MZF1: variants seen among roughly 807,000 people sequenced by gnomAD.
MZF1 encodes the protein myeloid zinc finger 1, also known as zinc finger and SCAN domain-containing protein 6.
MZF1 carries 24 observed loss-of-function variants against 28.6 expected under a neutral mutation model. That is an observed-to-expected ratio of 0.84 (90% confidence interval 0.61 to 1.18). The LOEUF is 1.18. Among genes scored for constraint, MZF1 ranks in the 50% most tolerant of loss-of-function variants. The pLI, the probability that MZF1 is intolerant of heterozygous loss-of-function variation, is 0.00. For missense variants in MZF1, 1,166 were observed against 1,026.4 expected, an observed-to-expected ratio of 1.14 and a Z score of -1.86; for synonymous variants, 516 against 432.5, an observed-to-expected ratio of 1.19 and a Z score of -2.40.
intron 4 of MZF1, 52 bp from the exon 5 acceptor site, chr19:58,569,449 G>A (rs1398601934): frequency 2.5e-6 from 4 of 1,613,704 alleles, no homozygotes; most frequent in Admixed American, 3.3e-5. Flanking sequence ...CTCAGGGAGG[G>A]ACCTACCTGA....
intron 2 of MZF1, 151 bp from the exon 3 acceptor site, chr19:58,570,678 G>T: frequency 1.2e-6 from 1 of 844,016 alleles, no homozygotes; most frequent in Non-Finnish European, 1.8e-6. Flanking sequence ...ACCTCCCCTA[G>T]GCCCTGAGCA....
At position 58,569,134 on chromosome 19, in the gene MZF1, C is replaced by T. The variant is rs894633419; in HGVS notation, c.772+143G>A. The T allele has an allele frequency of 1.5e-5, 18 of 1,174,580 alleles. No individual in the cohort carries two copies. In the Admixed American group the frequency reaches 3.3e-4, roughly 21 times the overall value. 72.8% of individuals were successfully genotyped at this position (1,174,580 alleles called of 1,614,324 possible). A position where few individuals can be genotyped will look rare whatever the true frequency, so the allele number is the denominator to read the frequency against. ...GCAGAAGATGCTAGAGGAGGTTGAA[C>T]CTTATAGGGGATGATCTAGGGAATG... On this transcript the variant is annotated intron_variant, in intron 5 of 5. Coordinates refer to ENST00000215057, the MANE Select transcript of MZF1 (RefSeq NM_198055.2).
At position 58,570,447 on chromosome 19, in the gene MZF1, C is replaced by T; in HGVS notation, c.477G>A (p.Glu159=). 1 of 1,613,962 alleles carries T rather than the reference C, an allele frequency of 6.2e-7. No homozygotes were observed. The highest frequency in any genetic ancestry group is 8.5e-7 in the Non-Finnish European group (1 of 1,179,902). The change falls in exon 3 of 6, where the codon GAG becomes GAA. Residue 159 remains glutamate (E), a synonymous_variant. Coordinates refer to ENST00000215057, the MANE Select transcript of MZF1 (RefSeq NM_198055.2). ...TGGGCCCAGGCTCTGGAGTTGGAGG[C>T]TCAGTTTCAGGTAGGGGCTGGAAAC... The part of the protein sequence containing the change: ...PSSFQPLPET[E]PPTPEPGPKT...
At chr19:58,568,694 T>G (rs1218747699) in intron 5 of MZF1, 1 of 152,330 alleles carries the variant, frequency 6.6e-6, no homozygotes, top group African/African-American at 2.4e-5. Flanking sequence ...AGGTGTGAAC[T>G]AAGAAAGAGG....
In MZF1 at chr19:58,562,659, G is replaced by A. The variant is rs1286886180; in HGVS notation, c.1618C>T (p.Pro540Ser). The change falls in exon 6 of 6, where the codon CCC becomes TCC. Residue 540 changes from proline (P) to serine (S), a missense_variant. Pro to Ser is a moderately conservative substitution (Grantham distance 74). Transcript: ENST00000215057. ...QHRRVHSGER[P>S]FACAECGQSF... ...TGGCCGCACTCGGCACAGGCGAAGG[G>A]CCGCTCGCCACTGTGCACGCGCCGG... 1.3e-6 allele frequency: 2 copies of A among 1,545,500 alleles called. No individual in the cohort carries two copies. The highest frequency in any genetic ancestry group is 2.4e-5 in the East Asian group (1 of 41,622).
rs1165619271 is a variant in MZF1 at position 58,563,089 on chromosome 19, G to A, written c.1188C>T (p.Ser396=). The change falls in exon 6 of 6, where the codon AGC becomes AGT. Residue 396 remains serine (S), a synonymous_variant. Transcript: ENST00000215057. ...TAAGCTGGTGGCGCAGCAGGTGCGA[G>A]CTGCGGCTGAAGCTGCGGCCGCACT... ...CSECGRSFSR[S]SHLLRHQLTH... is the part of the protein sequence containing the mutation. 2.5e-6 allele frequency: 4 copies of A among 1,604,322 alleles called. No individual in the cohort carries two copies. The highest frequency in any genetic ancestry group is 2.5e-6 in the Non-Finnish European group (3 of 1,179,218).
At chr19:58,569,869 G>A (rs528937367) in intron 3 of MZF1, 8 of 435,118 alleles carry the variant, frequency 1.8e-5, no homozygotes, top group African/African-American at 4.0e-5. Context: ...GGGGTCAGAG[G>A]TATTGTACAA....
chr19:58,572,705 A>G (rs1032488191), intron 1 of MZF1: 4 of 1,098,980 alleles, frequency 3.6e-6, no homozygotes, highest in Admixed American at 2.3e-5. Context: ...CAAGGTGCCA[A>G]GTCAACCTGA....
rs536663646 is a variant in MZF1, at chr19:58,562,509, C to A, written c.1768G>T (p.Val590Leu). The change falls in exon 6 of 6, where the codon GTA becomes TTA. Residue 590 changes from valine (V) to leucine (L), a missense_variant. By Grantham distance (32) the Val-to-Leu change is conservative. Coordinates refer to ENST00000215057, the MANE Select transcript of MZF1 (RefSeq NM_198055.2). ...QRPTLTQHLRVHTGEKPFACP... is the reference protein window; with the variant it reads ...QRPTLTQHLRLHTGEKPFACP... Reference sequence around the variant, plus strand: ...GCAAAGGGTTTCTCGCCCGTGTGTACGCGGAGATGCTGCGTGAGCGTAGGC... The same window carrying A: ...GCAAAGGGTTTCTCGCCCGTGTGTAAGCGGAGATGCTGCGTGAGCGTAGGC... 9.5e-6 allele frequency: 15 copies of A among 1,581,560 alleles called. No individual in the cohort carries two copies. The African/African-American group carries it at 2.2e-4, about 23-fold the overall frequency.
intron 2 of MZF1, 123 bp downstream of exon 2, chr19:58,570,871 T>G (rs947972492): frequency 1.8e-6 from 2 of 1,097,212 alleles, no homozygotes; most frequent in Non-Finnish European, 2.6e-6. Context: ...GGGTCTCTGT[T>G]GCAGGTGGCC....
Position 58,571,231 on chromosome 19 carries a change from C to G in MZF1, c.159G>C (p.Glu53Asp). ...GGGCCTCTTGGGGCCCTGTGGCCTC[C>G]TCATAGCGGAAGCACCGGAAACGCA... Reference protein sequence around the residue: ...ARLRFRCFRYEEATGPQEALA... With the variant: ...ARLRFRCFRYDEATGPQEALA... Residue 53 changes from glutamate to aspartate, a missense_variant, in exon 2 of 6, where the codon GAG (glutamate) becomes GAC (aspartate). Physicochemically the swap from Glu to Asp is conservative, Grantham distance 45 (BLOSUM62 2). Transcript: ENST00000215057. 1 of 1,612,686 alleles carries G rather than the reference C, an allele frequency of 6.2e-7. No homozygotes were observed. Among genetic ancestry groups the G allele is most frequent in the Non-Finnish European group, 8.5e-7 (1 of 1,179,310 alleles).
At chr19:58,572,026 C>T (rs1375732852) in intron 1 of MZF1, 1 of 158,800 alleles carries the variant, frequency 6.3e-6, no homozygotes, top group Non-Finnish European at 1.4e-5. Flanking sequence ...CTGTATCCTT[C>T]CCTTCTTCTA....
At chr19:58,565,476 C>T (rs1328735216) in intron 5 of MZF1, among the ~76,000 whole-genome samples, 4 of 151,964 alleles carry the variant, frequency 2.6e-5, no homozygotes, top group Non-Finnish European at 4.4e-5. Flanking sequence ...ATGATCCACC[C>T]GCCTCGCCTT....
In MZF1 at chr19:58,563,458, T is replaced by A. The variant is rs144231696; in HGVS notation, c.819A>T (p.Val273=). The A allele has an allele frequency of 6.3e-7, 1 of 1,578,228 alleles. No individual in the cohort carries two copies. Among genetic ancestry groups the A allele is most frequent in the Non-Finnish European group, 8.6e-7 (1 of 1,161,852 alleles). ...LGSISAGPGS[V]SPHLHVPWDL... is the part of the protein sequence containing the mutation. ...CCCAGGGGACGTGGAGGTGAGGGCT[T>A]ACACTACCTGGACCTGCGGAGATGC... The change falls in exon 6 of 6, where the codon GTA becomes GTT. Residue 273 remains valine, a synonymous_variant. Coordinates refer to ENST00000215057, the MANE Select transcript of MZF1 (RefSeq NM_198055.2).
intron 4 of MZF1, 39 bp downstream of exon 4, chr19:58,569,477 C>A (rs920776713): frequency 7.4e-6 from 12 of 1,613,214 alleles, no homozygotes; most frequent in Non-Finnish European, 1.0e-5. Flanking sequence ...CAGCAACTTC[C>A]AGGGAAAGGA....
In MZF1 at chr19:58,562,057, G is replaced by T; in HGVS notation, c.*15C>A. On this transcript the variant is annotated 3_prime_UTR_variant, in exon 6 of 6. Coordinates refer to ENST00000215057, the MANE Select transcript of MZF1 (RefSeq NM_198055.2). ...GTGTTCTGACCATGGCGGACACAGT[G>T]CGTCCCGGCTGGAGCTACTCGGCGC... 1 of 1,548,360 alleles carries T rather than the reference G, an allele frequency of 6.5e-7. No homozygotes were observed.
intron 3 of MZF1, 100 bp from the exon 4 acceptor site, chr19:58,569,686 T>G: frequency 9.1e-7 from 1 of 1,094,222 alleles, no homozygotes; most frequent in African/African-American, 1.6e-5. Flanking sequence ...GGTGGGATTC[T>G]TGGTTGTGGG....
chr19:58,565,183 C>T (rs2054024104), intron 5 of MZF1, among the ~76,000 whole-genome samples: 1 of 151,240 alleles, frequency 6.6e-6, no homozygotes, highest in African/African-American at 2.4e-5. Flanking sequence ...AAACCTCCAT[C>T]TCCTGGGTTC....
Position 58,563,426 on chromosome 19 carries a change from C to A in MZF1, c.851G>T (p.Gly284Val), listed in dbSNP as rs769769400. Residue 284 changes from glycine to valine, a missense_variant, in exon 6 of 6, where the codon GGC becomes GTC. Physicochemically the swap from Gly to Val is moderately radical, Grantham distance 109. Coordinates refer to ENST00000215057, the MANE Select transcript of MZF1 (RefSeq NM_198055.2). ...GATCTGGCCAGAAAGGCCAGCCATGCCGAGGTCCCAGGGGACGTGGAGGTG... is the reference window on the plus strand; with the variant it reads ...GATCTGGCCAGAAAGGCCAGCCATGACGAGGTCCCAGGGGACGTGGAGGTG... ...SPHLHVPWDL[G>V]MAGLSGQIQS... 6.3e-7 allele frequency: 1 copy of A among 1,591,642 alleles called. No individual in the cohort carries two copies. The highest frequency in any genetic ancestry group is 1.1e-5 in the South Asian group (1 of 87,984).
Sources: gnomAD v4.1 joint callset for allele counts (sites outside exome capture counted in the v4.1 genomes callset) on GRCh38, gnomAD v4.1.1 for gene constraint, MANE v1.5 for transcripts, NCBI Gene and HGNC (gene_info 2026-07-23, HGNC 2026-07-21) for gene names.